The following DLGAP1 variants were observed in gnomAD, a reference collection of about 807,000 sequenced individuals.
The protein encoded by DLGAP1 is DLG associated protein 1.
In DLGAP1, 11 loss-of-function variants were observed where a neutral mutation model predicts 90.8. The observed-to-expected ratio is 0.12, with a 90% CI of 0.08 to 0.20. The LOEUF (loss-of-function observed/expected upper bound fraction) is 0.20, where lower values mean the gene tolerates loss of function less well. DLGAP1 is among the 10% of genes least tolerant of loss of function. The pLI is 1.00. For missense variants in DLGAP1, 1,050 were observed against 1,333.8 expected (o/e 0.79, Z 3.31); for synonymous variants, 558 against 540.7 (o/e 1.03, Z -0.44).
intron 1 of DLGAP1, among the ~76,000 whole-genome samples, chr18:4,213,753 A>G (rs570756984): frequency 2.3e-4 from 35 of 152,336 alleles, no homozygotes; most frequent in Non-Finnish European, 4.3e-4. Flanking sequence ...TCTGAGAGTA[A>G]TAAGACAAAT....
chr18:4,278,747 T>TACAC (rs74515144), intron 1 of DLGAP1, among the ~76,000 whole-genome samples: 25,255 of 150,008 alleles, frequency 0.17, 2,324 homozygotes, highest in African/African-American at 0.24. Context: ...GAAAATGTTA[T>TACAC]ACACACACAC....
At chr18:3,888,855 G>A (rs1235172729) in intron 3 of DLGAP1, among the ~76,000 whole-genome samples, 1 of 152,186 alleles carries the variant, frequency 6.6e-6, no homozygotes, top group Non-Finnish European at 1.5e-5. Flanking sequence ...AAATATGCCT[G>A]TGCTGACTCT....
chr18:4,224,249 G>A (rs1598657738), intron 1 of DLGAP1, among the ~76,000 whole-genome samples: 1 of 152,234 alleles, frequency 6.6e-6, no homozygotes, highest in Admixed American at 6.5e-5. Flanking sequence ...ACTCTGAGAT[G>A]TGCTGACTTC....
At chr18:4,250,477 T>G (rs919329581) in intron 1 of DLGAP1, among the ~76,000 whole-genome samples, 19 of 152,226 alleles carry the variant, frequency 1.2e-4, no homozygotes, top group African/African-American at 4.3e-4. Flanking sequence ...TATTAAAGAT[T>G]ATTTTGCTAC....
chr18:4,399,566 A>T (rs958751213), intron 1 of DLGAP1, among the ~76,000 whole-genome samples: 1 of 152,198 alleles, frequency 6.6e-6, no homozygotes, highest in Non-Finnish European at 1.5e-5. Flanking sequence ...CTATTTTACA[A>T]CGTCTTAGGA....
chr18:4,146,916 TG>T (rs2076594508), intron 2 of DLGAP1, among the ~76,000 whole-genome samples: 1 of 152,230 alleles, frequency 6.6e-6, no homozygotes, highest in Admixed American at 6.5e-5. Context: ...AAGTAGGCAT[TG>T]AGCCCAATTT....
At chr18:3,996,813 G>A (rs2149064632) in intron 3 of DLGAP1, among the ~76,000 whole-genome samples, 1 of 152,116 alleles carries the variant, frequency 6.6e-6, no homozygotes, top group South Asian at 2.1e-4. Flanking sequence ...TACCACTGGT[G>A]ATAAATTACT....
At chr18:3,750,340 T>C (rs2063448267) in intron 5 of DLGAP1, among the ~76,000 whole-genome samples, 1 of 152,248 alleles carries the variant, frequency 6.6e-6, no homozygotes, top group South Asian at 2.1e-4. Flanking sequence ...ATGGTGTGTA[T>C]GCACCATATT....
rs1568047383 is a variant in DLGAP1 at position 3,740,994 on chromosome 18, TCACCTCACCAC to T, written c.1350+1330_1350+1340del. Among the ~76,000 whole-genome samples, 207 of 51,944 alleles carry T rather than the reference TCACCTCACCAC, an allele frequency of 4.0e-3. 1 individual carries two copies. The highest frequency in any genetic ancestry group is 0.014 in the African/African-American group (179 of 12,948). The allele number at this position is 51,944 out of a possible 152,430, so 34.1% of individuals were successfully genotyped here. ...CATCACATCACCACCACCACCACCA[TCACCTCACCAC>T]CACCACCACCATCACCACCACCACC... On this transcript the variant is annotated intron_variant, in intron 6 of 12. Coordinates refer to ENST00000315677, the MANE Select transcript of DLGAP1 (RefSeq NM_004746.4).
At chr18:3,547,163 T>C (rs1235099) in intron 9 of DLGAP1, among the ~76,000 whole-genome samples, 1 of 151,156 alleles carries the variant, frequency 6.6e-6, no homozygotes, top group African/African-American at 2.4e-5. Flanking sequence ...TAGCCAGGCG[T>C]GGTGGCGGGC....
intron 1 of DLGAP1, among the ~76,000 whole-genome samples, chr18:4,244,469 C>T (rs1038596128): frequency 6.6e-6 from 1 of 152,118 alleles, no homozygotes; most frequent in Non-Finnish European, 1.5e-5. Flanking sequence ...CCTATTTACT[C>T]TTATAGAAAT....
At chr18:4,169,833 C>T (rs2076994172) in intron 1 of DLGAP1, among the ~76,000 whole-genome samples, 1 of 152,210 alleles carries the variant, frequency 6.6e-6, no homozygotes, top group Non-Finnish European at 1.5e-5. Context: ...TTATAAGACT[C>T]AGTTGTCTCA....
chr18:3,539,944 A>G (rs2052590479), intron 9 of DLGAP1, among the ~76,000 whole-genome samples: 1 of 152,212 alleles, frequency 6.6e-6, no homozygotes, highest in Non-Finnish European at 1.5e-5. Flanking sequence ...GAGCAATGCT[A>G]GCACTCTGCT....
At position 3,814,048 on chromosome 18, in the gene DLGAP1, G is replaced by C. The variant is rs1361040474; in HGVS notation, c.1172+11C>G. The C allele has an allele frequency of 6.2e-7, 1 of 1,613,016 alleles. No homozygotes were observed. The highest frequency in any genetic ancestry group is 8.5e-7 in the Non-Finnish European group (1 of 1,179,332). On this transcript the variant is annotated intron_variant, in intron 5 of 12. Transcript: ENST00000315677. ...CTGGACTATCGCAAGTGCAGGGTTA[G>C]GACTACTCACTTGAGTGTGGTGAGT...
At chr18:3,802,727 T>C (rs1225432691) in intron 5 of DLGAP1, among the ~76,000 whole-genome samples, 1 of 152,198 alleles carries the variant, frequency 6.6e-6, no homozygotes, top group African/African-American at 2.4e-5. Context: ...GAATCGTATA[T>C]GTGCAGTGGA....
intron 1 of DLGAP1, among the ~76,000 whole-genome samples, chr18:4,357,961 T>G (rs2081557353): frequency 6.6e-6 from 1 of 152,238 alleles, no homozygotes; most frequent in African/African-American, 2.4e-5. Context: ...AGTTTGTAGA[T>G]TATAAATATT....
intron 5 of DLGAP1, among the ~76,000 whole-genome samples, chr18:3,765,996 C>T (rs1400990757): frequency 6.6e-6 from 1 of 151,674 alleles, no homozygotes; most frequent in Non-Finnish European, 1.5e-5. Context: ...TAAGCCCTAA[C>T]ATGTCAATAA....
intron 1 of DLGAP1, among the ~76,000 whole-genome samples, chr18:4,329,400 G>A (rs1034824252): frequency 1.1e-4 from 17 of 151,994 alleles, no homozygotes; most frequent in African/African-American, 4.1e-4. Flanking sequence ...TTTAGCAGTA[G>A]AGTATGACTT....
chr18:4,100,175 C>T (rs1251947832), intron 2 of DLGAP1, among the ~76,000 whole-genome samples: 1 of 152,126 alleles, frequency 6.6e-6, no homozygotes, highest in Admixed American at 6.5e-5. Context: ...CAGCTATAGC[C>T]TTACAAAATG....
Sources: allele counts gnomAD v4.1 joint callset (sites outside exome capture counted in the v4.1 genomes callset), GRCh38; gene constraint gnomAD v4.1.1; transcripts MANE v1.5; gene names NCBI Gene and HGNC (gene_info 2026-07-23, HGNC 2026-07-21).